FANK1: variants seen among roughly 807,000 people sequenced by gnomAD.
FANK1 encodes fibronectin type 3 and ankyrin repeat domains protein 1.
FANK1 carries 44 observed loss-of-function variants against 45.3 expected under a neutral mutation model. The observed-to-expected ratio is 0.97, with a 90% CI of 0.76 to 1.25. The LOEUF (loss-of-function observed/expected upper bound fraction) is 1.25. Among genes scored for constraint, FANK1 ranks in the 50% most tolerant of loss-of-function variants. FANK1 has a pLI of 0.00. For missense variants in FANK1, 391 were observed against 424.4 expected, an observed-to-expected ratio of 0.92 and a Z score of 0.69; for synonymous variants, 149 against 152.5, an observed-to-expected ratio of 0.98 and a Z score of 0.17.
At position 125,995,271 on chromosome 10, in the gene FANK1, G is replaced by A. The variant is rs180786985; in HGVS notation, c.317-146G>A. On this transcript the variant is annotated intron_variant, in intron 3 of 10. Transcript: ENST00000368693. ...AGGTCATTTTCGGTAAAAGAAGCAG[G>A]TGAGTAGGAAATGTAAGATATACTT... 311 of 703,938 alleles carry A rather than the reference G, an allele frequency of 4.4e-4. No homozygotes were observed. The African/African-American group carries it at 5.2e-3, about 12-fold the overall frequency. 43.6% of individuals were successfully genotyped at this position (703,938 alleles called of 1,614,324 possible).
chr10:125,911,036 CAA>C (rs60802998), intron 1 of FANK1, among the ~76,000 whole-genome samples: 2 of 130,802 alleles, frequency 1.5e-5, no homozygotes, highest in Non-Finnish European at 1.6e-5. Context: ...TCCGTCTTTC[CAA>C]AAAAAAAAAA....
intron 1 of FANK1, among the ~76,000 whole-genome samples, chr10:125,962,604 A>C (rs948878117): frequency 6.6e-6 from 1 of 152,046 alleles, no homozygotes; most frequent in Non-Finnish European, 1.5e-5. Context: ...CCTGCTGTTA[A>C]TTCCATTTTT....
At chr10:126,001,945 G>A (rs1199882454) in intron 6 of FANK1, among the ~76,000 whole-genome samples, 1 of 151,972 alleles carries the variant, frequency 6.6e-6, no homozygotes, top group Non-Finnish European at 1.5e-5. Context: ...GAGGCTATGG[G>A]TGACTCTGAT....
In FANK1 at chr10:125,988,814, G is replaced by A. The variant is rs112595815; in HGVS notation, c.316+139G>A. 4.2e-3 allele frequency: 5,356 copies of A among 1,284,452 alleles called. 124 individuals are homozygous for A. In the African/African-American group the frequency reaches 0.054, roughly 13 times the overall value. 79.6% of individuals were successfully genotyped at this position (1,284,452 alleles called of 1,614,324 possible). A position where few individuals can be genotyped will look rare whatever the true frequency, so the allele number is the denominator to read the frequency against. ...ATTTTTAAACACTGCAATAATATTT[G>A]CTAGTTGGGCCTTGCCATAACTTGT... On this transcript the variant is annotated intron_variant, in intron 3 of 10. Coordinates refer to ENST00000368693, the MANE Select transcript of FANK1 (RefSeq NM_145235.5).
intron 1 of FANK1, among the ~76,000 whole-genome samples, chr10:125,927,590 C>T (rs1947448004): frequency 6.6e-6 from 1 of 151,952 alleles, no homozygotes; most frequent in Non-Finnish European, 1.5e-5. Flanking sequence ...ACTCTTGTCG[C>T]CCAAGCTGGA....
chr10:125,940,719 G>C (rs1017488570), intron 1 of FANK1, among the ~76,000 whole-genome samples: 1 of 152,206 alleles, frequency 6.6e-6, no homozygotes, highest in African/African-American at 2.4e-5. Context: ...ATCTCAGGCT[G>C]TCTCAGTGGG....
At chr10:125,946,177 T>G (rs920258491) in intron 1 of FANK1, among the ~76,000 whole-genome samples, 3 of 151,736 alleles carry the variant, frequency 2.0e-5, no homozygotes, top group African/African-American at 7.3e-5. Context: ...ACAGAAAAAC[T>G]GGAAACTCTA....
At chr10:125,916,567 C>T (rs1053214313) in intron 1 of FANK1, among the ~76,000 whole-genome samples, 43 of 151,888 alleles carry the variant, frequency 2.8e-4, no homozygotes, top group African/African-American at 1.0e-3. Context: ...GGAAGCAAGC[C>T]AAGTGTCTAT....
chr10:125,975,000 C>A (rs1435063044), intron 1 of FANK1: 2 of 152,176 alleles, frequency 1.3e-5, no homozygotes, highest in Non-Finnish European at 2.9e-5. Context: ...TCCTCTCACC[C>A]TCCCGCTTCA....
At chr10:125,957,725 A>G (rs111517437) in intron 1 of FANK1, among the ~76,000 whole-genome samples, 2,056 of 151,916 alleles carry the variant, frequency 0.014, 43 homozygotes, top group African/African-American at 0.047. Flanking sequence ...GGATTTTACC[A>G]TGTTGTCCAT....
intron 1 of FANK1, among the ~76,000 whole-genome samples, chr10:125,902,561 A>G (rs1436098131): frequency 6.6e-6 from 1 of 152,258 alleles, no homozygotes; most frequent in African/African-American, 2.4e-5. Context: ...TGCTTTGGGT[A>G]AAGTTCATTT....
At chr10:125,985,353 A>G (rs1438852854) in intron 2 of FANK1, among the ~76,000 whole-genome samples, 1 of 152,216 alleles carries the variant, frequency 6.6e-6, no homozygotes, top group Non-Finnish European at 1.5e-5. Context: ...CTAAGTATTC[A>G]TGGACCTATT....
chr10:125,995,127 A>T (rs1406543243), intron 3 of FANK1, among the ~76,000 whole-genome samples: 2 of 151,776 alleles, frequency 1.3e-5, no homozygotes, highest in Non-Finnish European at 2.9e-5. Flanking sequence ...ATTAAGTCTT[A>T]TGAAATCTGA....
At chr10:125,927,263 C>T (rs1362919925) in intron 1 of FANK1, among the ~76,000 whole-genome samples, 3 of 152,218 alleles carry the variant, frequency 2.0e-5, no homozygotes, top group Non-Finnish European at 4.4e-5. Flanking sequence ...ACACATGCCA[C>T]ACCCAGCTCA....
intron 1 of FANK1, among the ~76,000 whole-genome samples, chr10:125,933,897 T>C (rs1270474033): frequency 5.3e-5 from 8 of 152,224 alleles, no homozygotes; most frequent in Non-Finnish European, 1.5e-5. Context: ...GACCCAGTGC[T>C]CATTCAGGAA....
chr10:125,953,795 G>A (rs1949402239), intron 1 of FANK1, among the ~76,000 whole-genome samples: 3 of 152,240 alleles, frequency 2.0e-5, no homozygotes, highest in African/African-American at 7.2e-5. Flanking sequence ...CTCCTAGCTG[G>A]GCACGCTGCT....
intron 1 of FANK1, among the ~76,000 whole-genome samples, chr10:125,910,638 CTG>C (rs1945915343): frequency 6.6e-6 from 1 of 152,180 alleles, no homozygotes; most frequent in African/African-American, 2.4e-5. Context: ...TTTTAAACAA[CTG>C]TATTCTGTTG....
intron 1 of FANK1, among the ~76,000 whole-genome samples, chr10:125,954,921 A>C (rs1949484183): frequency 6.6e-6 from 1 of 152,138 alleles, no homozygotes; most frequent in South Asian, 2.1e-4. Flanking sequence ...ACTGTCTCAA[A>C]AAAATAAATT....
intron 1 of FANK1, among the ~76,000 whole-genome samples, chr10:125,931,991 T>C (rs979994896): frequency 4.6e-5 from 7 of 152,032 alleles, no homozygotes; most frequent in Non-Finnish European, 1.0e-4. Context: ...TTTGGTTTGT[T>C]GAAGATCAGT....
Sources: allele counts gnomAD v4.1 joint callset (sites outside exome capture counted in the v4.1 genomes callset), GRCh38; gene constraint gnomAD v4.1.1; transcripts MANE v1.5; gene names NCBI Gene and HGNC (gene_info 2026-07-23, HGNC 2026-07-21).